Variants in ARL13B observed in about 807,000 individuals in gnomAD.
ARL13B encodes the protein ADP-ribosylation factor-like protein 13B.
In ARL13B, 36 loss-of-function variants were observed where a neutral mutation model predicts 56.1. That is an observed-to-expected ratio of 0.64 (90% CI 0.49 to 0.85). ARL13B has a LOEUF of 0.85. ARL13B is among the 40% of genes least tolerant of loss of function. The pLI is 0.00. For synonymous variants in ARL13B, 178 were observed against 171.1 expected, an observed-to-expected ratio of 1.04 and a Z score of -0.32; for missense variants, 519 against 507.1, an observed-to-expected ratio of 1.02 and a Z score of -0.23.
intron 3 of ARL13B, among the ~76,000 whole-genome samples, 155 bp downstream of exon 3, chr3:94,004,063 TTGTTATAGTGCTGTCTATA>T (rs2076095284): frequency 2.0e-5 from 3 of 152,116 alleles, no homozygotes; most frequent in Admixed American, 2.0e-4. Flanking sequence ...TACTGAGGCC[TTGTTATAGTGCTGTCTATA>T]GGGGAAAAGG....
intron 3 of ARL13B, chr3:94,014,243 T>C (rs1332773898): frequency 1.7e-6 from 1 of 599,360 alleles, no homozygotes; most frequent in Non-Finnish European, 2.5e-6. Context: ...TTTTAGTGGG[T>C]TAGGGTTAAA....
At chr3:94,033,320 T>C (rs1345325174) in intron 3 of ARL13B, among the ~76,000 whole-genome samples, 7 of 152,076 alleles carry the variant, frequency 4.6e-5, no homozygotes, top group Non-Finnish European at 7.4e-5. Flanking sequence ...CTATGCAATA[T>C]ATCACCACTA....
At position 94,029,352 on chromosome 3, in the gene ARL13B, T is replaced by A. The variant is rs1328082526; in HGVS notation, c.381-5979T>A. Among the ~76,000 whole-genome samples, 237 of 114,042 alleles carry A rather than the reference T, an allele frequency of 2.1e-3. 1 individual carries two copies. Among genetic ancestry groups the A allele is most frequent in the African/African-American group, 4.2e-3 (100 of 23,876 alleles). The allele number at this position is 114,042 out of a possible 152,430, so 74.8% of individuals were successfully genotyped here. A position where few individuals can be genotyped will look rare whatever the true frequency, so the allele number is the denominator to read the frequency against. ...TATATATATTTATTTTTTTTTTATT[T>A]TTTTTTTTTTTTGAGAAGGAGTCTT... On this transcript the variant is annotated intron_variant, in intron 3 of 9. Coordinates refer to ENST00000394222, the MANE Select transcript of ARL13B (RefSeq NM_001174150.2).
chr3:94,049,923 C>T (rs976460307), intron 8 of ARL13B, among the ~76,000 whole-genome samples: 8 of 148,608 alleles, frequency 5.4e-5, no homozygotes, highest in South Asian at 2.1e-4. Context: ...GAGGCCGAGG[C>T]GGGCAGATAA....
chr3:93,982,728 T>C lies in ARL13B; in HGVS notation c.59+2246T>C, dbSNP rs567225263. Reference sequence around the variant, plus strand: ...AACTGTCAAAGAATTTGAACACAAGTTGGATTACCCCTGTCTTCTAAGTCC... The same window carrying C: ...AACTGTCAAAGAATTTGAACACAAGCTGGATTACCCCTGTCTTCTAAGTCC... On this transcript the variant is annotated intron_variant, in intron 1 of 9. Coordinates refer to ENST00000394222, the MANE Select transcript of ARL13B (RefSeq NM_001174150.2). Among the ~76,000 whole-genome samples, 75 of 152,332 alleles carry C rather than the reference T, an allele frequency of 4.9e-4. 1 individual carries two copies. Among genetic ancestry groups the C allele is most frequent in the South Asian group, 4.8e-3 (23 of 4,826 alleles).
chr3:94,007,260 A>C (rs1193082270), intron 3 of ARL13B, among the ~76,000 whole-genome samples: 1 of 152,218 alleles, frequency 6.6e-6, no homozygotes, highest in Non-Finnish European at 1.5e-5. Flanking sequence ...TAATCACAAA[A>C]TTACAAATTG....
chr3:94,043,465 C>T (rs2076900485), intron 7 of ARL13B, among the ~76,000 whole-genome samples: 1 of 149,444 alleles, frequency 6.7e-6, no homozygotes, highest in Non-Finnish European at 1.5e-5. Flanking sequence ...ATAAGGATTT[C>T]AGCAGAAAAT....
intron 2 of ARL13B, among the ~76,000 whole-genome samples, chr3:94,000,560 A>C (rs1382710326): frequency 6.6e-6 from 1 of 151,954 alleles, no homozygotes; most frequent in Non-Finnish European, 1.5e-5. Flanking sequence ...GGAAAAAAAA[A>C]ACAAAAAAAT....
At chr3:93,983,467 G>A (rs1710309871) in intron 1 of ARL13B, among the ~76,000 whole-genome samples, 1 of 152,062 alleles carries the variant, frequency 6.6e-6, no homozygotes, top group Admixed American at 6.6e-5. Context: ...TTGTTCCTAA[G>A]TTTATCTTTT....
intron 4 of ARL13B, among the ~76,000 whole-genome samples, 186 bp from the exon 5 acceptor site, chr3:94,036,366 A>G (rs1327554861): frequency 6.6e-6 from 1 of 152,176 alleles, no homozygotes; most frequent in Non-Finnish European, 1.5e-5. Flanking sequence ...TCTGTAAAAT[A>G]TTTTAAGTTC....
At chr3:93,989,965 A>G (rs1185932453) in intron 1 of ARL13B, among the ~76,000 whole-genome samples, 1 of 152,078 alleles carries the variant, frequency 6.6e-6, no homozygotes, top group Non-Finnish European at 1.5e-5. Context: ...ATCATTAATT[A>G]TTTGATAATA....
Position 94,054,169 on chromosome 3 carries a change from TG to T in ARL13B, c.*907del. On this transcript the variant is annotated 3_prime_UTR_variant, in exon 10 of 10. Transcript: ENST00000394222. ...CAGAAGCTGCAGTGACTCTTTTAGGTGATTCTAATTCTTTCATGCCTTGAAA... is the reference window on the plus strand; with the variant it reads ...CAGAAGCTGCAGTGACTCTTTTAGGTATTCTAATTCTTTCATGCCTTGAAA... 4.4e-6 allele frequency: 2 copies of T among 453,070 alleles called. No homozygotes were observed. The highest frequency in any genetic ancestry group is 3.1e-5 in the South Asian group (2 of 64,294). 28.1% of individuals were successfully genotyped at this position (453,070 alleles called of 1,614,324 possible).
chr3:93,996,839 A>G (rs1384313465), intron 2 of ARL13B, among the ~76,000 whole-genome samples: 5 of 151,800 alleles, frequency 3.3e-5, no homozygotes, highest in Non-Finnish European at 2.9e-5. Flanking sequence ...GTTCTTAGGA[A>G]CCAGCCCACA....
chr3:93,988,712 G>A, intron 1 of ARL13B: 3 of 457,220 alleles, frequency 6.6e-6, no homozygotes, highest in Middle Eastern at 3.5e-4. Flanking sequence ...TTTTCTGCAG[G>A]TAAATCTTAT....
chr3:94,050,913 T>C, intron 9 of ARL13B, 21 bp downstream of exon 9: 1 of 1,606,522 alleles, frequency 6.2e-7, no homozygotes, highest in Non-Finnish European at 8.5e-7. Context: ...AGGATTGGTT[T>C]TCAGATATCA....
At chr3:94,049,774 C>T (rs1395019219) in intron 8 of ARL13B, among the ~76,000 whole-genome samples, 1 of 151,652 alleles carries the variant, frequency 6.6e-6, no homozygotes, top group East Asian at 1.9e-4. Flanking sequence ...CCAGTATTTC[C>T]TAGAATATGT....
intron 1 of ARL13B, among the ~76,000 whole-genome samples, chr3:93,990,485 A>G (rs2075853589): frequency 6.6e-6 from 1 of 152,178 alleles, no homozygotes; most frequent in Non-Finnish European, 1.5e-5. Context: ...AGGTAATTTT[A>G]TAAAATATTT....
intron 3 of ARL13B, among the ~76,000 whole-genome samples, chr3:94,033,426 C>T (rs766203312): frequency 2.0e-5 from 3 of 151,674 alleles, no homozygotes; most frequent in African/African-American, 4.9e-5. Context: ...GAGGTTGCTA[C>T]GCCATTAATT....
chr3:94,005,019 G>T (rs982272583), intron 3 of ARL13B, among the ~76,000 whole-genome samples: 5 of 151,914 alleles, frequency 3.3e-5, no homozygotes, highest in Non-Finnish European at 7.4e-5. Context: ...AATATTATGT[G>T]CTTTTTTAAA....
Sources: gnomAD v4.1 joint callset for allele counts (sites outside exome capture counted in the v4.1 genomes callset) on GRCh38, gnomAD v4.1.1 for gene constraint, MANE v1.5 for transcripts, NCBI Gene and HGNC (gene_info 2026-07-23, HGNC 2026-07-21) for gene names.